PDE4D: variants seen among roughly 807,000 people sequenced by gnomAD.
PDE4D encodes 3',5'-cyclic-AMP phosphodiesterase 4D.
PDE4D carries 24 observed loss-of-function variants against 87.4 expected under a neutral mutation model. That is an observed-to-expected ratio of 0.27 (90% CI 0.20 to 0.39). The LOEUF is 0.39. PDE4D is among the 10% of genes least tolerant of loss of function. The pLI, the probability that PDE4D is intolerant of heterozygous loss-of-function variation, is 1.00. For missense variants in PDE4D, 714 were observed against 1,041.0 expected (o/e 0.69, Z 4.32); for synonymous variants, 384 against 383.2 (o/e 1.00, Z -0.02).
chr5:59,103,198 G>C (rs1156748722), intron 5 of PDE4D, among the ~76,000 whole-genome samples: 1 of 152,058 alleles, frequency 6.6e-6, no homozygotes, highest in African/African-American at 2.4e-5. Flanking sequence ...TGATCTAATT[G>C]GGTTCTGAGA....
intron 1 of PDE4D, among the ~76,000 whole-genome samples, chr5:59,654,138 G>A (rs922238161): frequency 1.4e-4 from 22 of 152,222 alleles, no homozygotes; most frequent in Non-Finnish European, 1.8e-4. Flanking sequence ...CCCATGAGGC[G>A]GAGGTTGCAG....
intron 2 of PDE4D, among the ~76,000 whole-genome samples, chr5:60,176,289 G>T (rs1041205988): frequency 6.6e-6 from 1 of 152,124 alleles, no homozygotes; most frequent in African/African-American, 2.4e-5. Flanking sequence ...TCTTGCAGGT[G>T]CCTGTCTCTT....
chr5:59,337,144 G>T (rs959009978), intron 1 of PDE4D, among the ~76,000 whole-genome samples: 1 of 152,138 alleles, frequency 6.6e-6, no homozygotes, highest in Admixed American at 6.5e-5. Context: ...AGACAGGAAG[G>T]TCTCAAAACC....
intron 1 of PDE4D, among the ~76,000 whole-genome samples, chr5:59,870,560 AC>A (rs1253709391): frequency 6.6e-6 from 1 of 152,206 alleles, no homozygotes; most frequent in Non-Finnish European, 1.5e-5. Flanking sequence ...AGAATGACTG[AC>A]CACTACATAA....
chr5:60,498,138 C>A (rs1749905101), intron 1 of PDE4D, among the ~76,000 whole-genome samples: 1 of 151,522 alleles, frequency 6.6e-6, no homozygotes, highest in South Asian at 2.1e-4. Flanking sequence ...GGAACATCCC[C>A]AGAACCAGTG....
intron 5 of PDE4D, among the ~76,000 whole-genome samples, chr5:59,072,186 T>C (rs947279757): frequency 2.0e-5 from 3 of 152,204 alleles, no homozygotes; most frequent in African/African-American, 7.2e-5. Flanking sequence ...ACAGTTTCAT[T>C]CAGAAATACC....
At chr5:60,332,802 A>G (rs1319210346) in intron 1 of PDE4D, among the ~76,000 whole-genome samples, 1 of 152,214 alleles carries the variant, frequency 6.6e-6, no homozygotes, top group Non-Finnish European at 1.5e-5. Context: ...TTTAAAAAAA[A>G]GAGCCTTCTC....
chr5:60,158,882 T>G (rs1162103033), intron 2 of PDE4D, among the ~76,000 whole-genome samples: 1 of 152,216 alleles, frequency 6.6e-6, no homozygotes, highest in Non-Finnish European at 1.5e-5. Context: ...CTGTGCTAAA[T>G]TTATTTTTTA....
intron 1 of PDE4D, among the ~76,000 whole-genome samples, chr5:60,258,775 A>G (rs1749350687): frequency 6.6e-6 from 1 of 152,014 alleles, no homozygotes; most frequent in Admixed American, 6.6e-5. Flanking sequence ...GACTTCTATG[A>G]TTTTAAAAAT....
At chr5:60,124,081 G>T (rs1427030358) in intron 2 of PDE4D, among the ~76,000 whole-genome samples, 2 of 151,988 alleles carry the variant, frequency 1.3e-5, no homozygotes, top group Non-Finnish European at 2.9e-5. Flanking sequence ...AAACTATGGG[G>T]TCTTATATAA....
chr5:59,561,116 C>G (rs944496366), intron 1 of PDE4D, among the ~76,000 whole-genome samples: 1 of 152,134 alleles, frequency 6.6e-6, no homozygotes, highest in African/African-American at 2.4e-5. Flanking sequence ...GAAATATGAT[C>G]CACTTTTCGG....
chr5:59,699,907 C>T (rs1367003001), intron 1 of PDE4D, among the ~76,000 whole-genome samples: 1 of 152,138 alleles, frequency 6.6e-6, no homozygotes, highest in African/African-American at 2.4e-5. Context: ...AGATAGTCTA[C>T]CTCCTAAGAG....
chr5:60,035,194 G>T (rs1392751593), intron 2 of PDE4D, among the ~76,000 whole-genome samples: 14 of 151,680 alleles, frequency 9.2e-5, no homozygotes, highest in African/African-American at 3.4e-4. Context: ...AGGCGGAGGT[G>T]GCAGTGAGTT....
chr5:59,008,146 TGAC>T (rs1752016408), intron 6 of PDE4D, among the ~76,000 whole-genome samples: 1 of 151,986 alleles, frequency 6.6e-6, no homozygotes, highest in Admixed American at 6.6e-5. Context: ...AGAATAATCA[TGAC>T]AATAAATGGG....
chr5:59,777,368 C>CCTGTG (rs1764181636), intron 1 of PDE4D, among the ~76,000 whole-genome samples: 1 of 152,134 alleles, frequency 6.6e-6, no homozygotes, highest in African/African-American at 2.4e-5. Context: ...GCTTTGTGGA[C>CCTGTG]AGAAGCCTGT....
At chr5:59,370,671 C>T (rs995208003) in intron 1 of PDE4D, among the ~76,000 whole-genome samples, 2 of 152,032 alleles carry the variant, frequency 1.3e-5, no homozygotes, top group Non-Finnish European at 2.9e-5. Context: ...ACTATCCTCC[C>T]CACAAAAAAT....
At position 60,030,307 on chromosome 5, in the gene PDE4D, G is replaced by A. The variant is rs544492685; in HGVS notation, c.43-41590C>T. Among the ~76,000 whole-genome samples, 12 of 152,032 alleles carry A rather than the reference G, an allele frequency of 7.9e-5. No individual in the cohort carries two copies. In the East Asian group the frequency reaches 9.7e-4, roughly 12 times the overall value. On this transcript the variant is annotated intron_variant, in intron 2 of 16. Coordinates refer to the PDE4D transcript ENST00000502484. ...CTACTAAAAATACAAAAAATTAGCCGGGCGCGGTGGCGGGCACCTGTAGTC... is the reference window on the plus strand; with the variant it reads ...CTACTAAAAATACAAAAAATTAGCCAGGCGCGGTGGCGGGCACCTGTAGTC...
chr5:59,906,966 G>C (rs1441289760), intron 3 of PDE4D, among the ~76,000 whole-genome samples: 1 of 152,096 alleles, frequency 6.6e-6, no homozygotes, highest in African/African-American at 2.4e-5. Flanking sequence ...ATAGCAAAGA[G>C]ATGGAATTAA....
intron 2 of PDE4D, among the ~76,000 whole-genome samples, chr5:60,129,404 A>C (rs1463655981): frequency 6.6e-6 from 1 of 152,190 alleles, no homozygotes; most frequent in Admixed American, 6.6e-5. Flanking sequence ...AATGCATGAA[A>C]GTATTATTAA....
Sources: gnomAD v4.1 joint callset for allele counts (sites outside exome capture counted in the v4.1 genomes callset) on GRCh38, gnomAD v4.1.1 for gene constraint, MANE v1.5 for transcripts, NCBI Gene and HGNC (gene_info 2026-07-23, HGNC 2026-07-21) for gene names.